PLCB4: variants seen among roughly 807,000 people sequenced by gnomAD.
PLCB4 encodes the protein phospholipase C beta 4, also known as 1-phosphatidylinositol 4,5-bisphosphate phosphodiesterase beta-4.
Under a neutral mutation model 178.8 loss-of-function variants are expected in PLCB4, and 77 were observed. The observed-to-expected ratio is 0.43, with a 90% CI of 0.36 to 0.52. The LOEUF is 0.52. PLCB4 is among the 20% of genes least tolerant of loss of function. The probability of loss-of-function intolerance (pLI) is 0.00; values close to 1 mark genes in which losing one functional copy is unlikely to be tolerated. For synonymous variants in PLCB4, 496 were observed against 490.8 expected, an observed-to-expected ratio of 1.01 and a Z score of -0.14; for missense variants, 1,024 against 1,453.4, an observed-to-expected ratio of 0.70 and a Z score of 4.80.
At chr20:9,429,159 T>C (rs974687167) in intron 28 of PLCB4, among the ~76,000 whole-genome samples, 1 of 152,188 alleles carries the variant, frequency 6.6e-6, no homozygotes, top group Admixed American at 6.5e-5. Context: ...CTGGTTTCTT[T>C]TAAAAAGAGA....
intron 3 of PLCB4, among the ~76,000 whole-genome samples, chr20:9,226,969 GT>G (rs970472937): frequency 2.0e-5 from 3 of 151,374 alleles, no homozygotes; most frequent in East Asian, 1.9e-4. Context: ...CTAATTTTTT[GT>G]TTTTTTTGTT....
Position 9,363,390 on chromosome 20 carries a change from A to G in PLCB4, c.449+415A>G, listed in dbSNP as rs577307748. ...GTGTGACCAAGAGACGCACTTGCCA[A>G]TGCACCTGAAAAAGAAGCCTCAGCC... is the stretch of plus-strand genomic sequence containing the variant. On this transcript the variant is annotated intron_variant, in intron 8 of 39. Coordinates refer to ENST00000378473, the MANE Select transcript of PLCB4 (RefSeq NM_001377142.1). 7.2e-5 allele frequency among the ~76,000 whole-genome samples: 11 copies of G among 152,294 alleles called. No homozygotes were observed. The South Asian group carries it at 8.3e-4, about 11-fold the overall frequency.
intron 2 of PLCB4, among the ~76,000 whole-genome samples, chr20:9,101,529 T>C (rs962971484): frequency 1.3e-5 from 2 of 152,196 alleles, no homozygotes; most frequent in Non-Finnish European, 2.9e-5. Flanking sequence ...AATGAGGTTC[T>C]ATTATGTTAA....
At chr20:9,165,719 C>T (rs2092958776) in intron 2 of PLCB4, among the ~76,000 whole-genome samples, 2 of 151,966 alleles carry the variant, frequency 1.3e-5, no homozygotes, top group Admixed American at 1.3e-4. Context: ...ATTTTACATT[C>T]TCTGAGCATT....
chr20:9,165,793 T>TTGTGTGTGTGTGTGTG (rs3036061), intron 2 of PLCB4, among the ~76,000 whole-genome samples: 115 of 139,744 alleles, frequency 8.2e-4, no homozygotes, highest in African/African-American at 2.9e-3. Flanking sequence ...CTGGGGCTGT[T>TTGTGTGTGTGTGTGTG]TGTGTGTGTG....
intron 3 of PLCB4, among the ~76,000 whole-genome samples, chr20:9,258,838 C>T (rs2094266699): frequency 6.6e-6 from 1 of 151,508 alleles, no homozygotes; most frequent in South Asian, 2.1e-4. Context: ...TGCACATTTA[C>T]CAGGAAGGTG....
intron 2 of PLCB4, among the ~76,000 whole-genome samples, chr20:9,196,119 G>A (rs111390693): frequency 1.2e-3 from 176 of 152,304 alleles, no homozygotes; most frequent in African/African-American, 3.9e-3. Context: ...TTCAGGTACT[G>A]TAGTAATTAC....
At chr20:9,341,934 G>A (rs2033251496) in intron 7 of PLCB4, among the ~76,000 whole-genome samples, 1 of 152,014 alleles carries the variant, frequency 6.6e-6, no homozygotes, top group South Asian at 2.1e-4. Context: ...TTCAGCTTCT[G>A]GGAACTATTA....
chr20:9,148,098 T>C (rs1801486591), intron 2 of PLCB4, among the ~76,000 whole-genome samples: 1 of 152,278 alleles, frequency 6.6e-6, no homozygotes, highest in South Asian at 2.1e-4. Flanking sequence ...AATTATTTCA[T>C]TGAAGGCTGA....
chr20:9,315,778 T>TA, intron 4 of PLCB4, among the ~76,000 whole-genome samples: 1 of 151,672 alleles, frequency 6.6e-6, no homozygotes, highest in East Asian at 1.9e-4. Flanking sequence ...ACTAAAAATA[T>TA]AAAAATTAGC....
chr20:9,313,638 C>T (rs1241367762), intron 4 of PLCB4, among the ~76,000 whole-genome samples: 1 of 152,174 alleles, frequency 6.6e-6, no homozygotes. Context: ...GGCTGTCTTG[C>T]CATGAGTCCT....
intron 2 of PLCB4, among the ~76,000 whole-genome samples, chr20:9,110,159 T>C (rs1329069893): frequency 6.6e-6 from 1 of 152,144 alleles, no homozygotes; most frequent in Admixed American, 6.5e-5. Flanking sequence ...AATGCACAGG[T>C]CAAGGCTAAC....
chr20:9,450,267 T>A lies in PLCB4; in HGVS notation c.2881-3080T>A, dbSNP rs1315027274. Among the ~76,000 whole-genome samples the A allele has an allele frequency of 1.3e-5, 2 of 152,210 alleles. 1 individual carries two copies. The highest frequency in any genetic ancestry group is 3.8e-4 in the East Asian group (2 of 5,196). On this transcript the variant is annotated intron_variant, in intron 32 of 39. Coordinates refer to ENST00000378473, the MANE Select transcript of PLCB4 (RefSeq NM_001377142.1). ...TAAAACCAATAATGGACATTTTTTT[T>A]AAGCTAAGATGGACTTAGAGATCAT...
At chr20:9,349,543 T>A (rs1602019498) in intron 7 of PLCB4, among the ~76,000 whole-genome samples, 1 of 152,328 alleles carries the variant, frequency 6.6e-6, no homozygotes, top group East Asian at 1.9e-4. Context: ...CCTTCACAGT[T>A]GTGTTTGAAA....
chr20:9,112,299 A>G (rs2091609035), intron 2 of PLCB4, among the ~76,000 whole-genome samples: 1 of 145,356 alleles, frequency 6.9e-6, no homozygotes, highest in Non-Finnish European at 1.5e-5. Flanking sequence ...TCTGTTGCCC[A>G]GGCCGCAGTA....
chr20:9,092,705 C>A (rs1458994705), intron 1 of PLCB4, among the ~76,000 whole-genome samples: 1 of 152,110 alleles, frequency 6.6e-6, no homozygotes, highest in Non-Finnish European at 1.5e-5. Flanking sequence ...ATCAGGGAAC[C>A]AGGTTCCTTC....
At chr20:9,366,878 A>G (rs1445131744) in intron 9 of PLCB4, among the ~76,000 whole-genome samples, 1 of 152,226 alleles carries the variant, frequency 6.6e-6, no homozygotes, top group Admixed American at 6.5e-5. Context: ...CAAATCAACA[A>G]ATAATAACAA....
intron 3 of PLCB4, among the ~76,000 whole-genome samples, chr20:9,294,005 G>A (rs2094607149): frequency 6.6e-6 from 1 of 152,152 alleles, no homozygotes; most frequent in South Asian, 2.1e-4. Flanking sequence ...GGTGAGGGAA[G>A]ATGCTGCTTT....
At chr20:9,442,848 G>C (rs1023817616) in intron 30 of PLCB4, among the ~76,000 whole-genome samples, 2 of 152,090 alleles carry the variant, frequency 1.3e-5, no homozygotes, top group Non-Finnish European at 2.9e-5. Context: ...TTCCTTCTGC[G>C]GCCTGACCAC....
Sources: gnomAD v4.1 joint callset for allele counts (sites outside exome capture counted in the v4.1 genomes callset) on GRCh38, gnomAD v4.1.1 for gene constraint, MANE v1.5 for transcripts, NCBI Gene and HGNC (gene_info 2026-07-23, HGNC 2026-07-21) for gene names.